The following GPR158 variants were observed in gnomAD, a reference collection of about 807,000 sequenced individuals.
GPR158 encodes the protein metabotropic glycine receptor.
Under a neutral mutation model 78.2 loss-of-function variants are expected in GPR158, and 30 were observed. The ratio of observed to expected loss-of-function variants is 0.38; its 90% confidence interval spans 0.29 to 0.52. The LOEUF is 0.52. Among genes scored for constraint, GPR158 ranks in the 20% least tolerant of loss-of-function variants. The probability of loss-of-function intolerance (pLI) is 0.83; values close to 1 mark genes in which losing one functional copy is unlikely to be tolerated. For synonymous variants in GPR158, 581 were observed against 591.1 expected (o/e 0.98, Z 0.25); for missense variants, 1,463 against 1,523.5 (o/e 0.96, Z 0.66).
chr10:25,580,346 G>C (rs7921299), intron 7 of GPR158, among the ~76,000 whole-genome samples: 44,874 of 151,816 alleles, frequency 0.3, 7,179 homozygotes, highest in Non-Finnish European at 0.36. Context: ...CTTTGTTCTT[G>C]TCTTTCCTGG....
chr10:25,524,225 G>A (rs950352662), intron 5 of GPR158, among the ~76,000 whole-genome samples: 1 of 152,202 alleles, frequency 6.6e-6, no homozygotes, highest in African/African-American at 2.4e-5. Context: ...TCCCCAGATT[G>A]ATCCACAGAT....
At chr10:25,259,869 G>A (rs1022678403) in intron 2 of GPR158, among the ~76,000 whole-genome samples, 1 of 151,576 alleles carries the variant, frequency 6.6e-6, no homozygotes, top group Non-Finnish European at 1.5e-5. Context: ...CTTAAAAATT[G>A]CTTTTTTTTG....
chr10:25,265,937 A>G (rs1854039504), intron 2 of GPR158, among the ~76,000 whole-genome samples: 1 of 152,170 alleles, frequency 6.6e-6, no homozygotes, highest in South Asian at 2.1e-4. Context: ...AAAACATTCC[A>G]ATGGCTTTAC....
Position 25,412,230 on chromosome 10 carries a change from G to A in GPR158, c.1112-20G>A. The A allele has an allele frequency of 6.3e-7, 1 of 1,575,446 alleles. No individual in the cohort carries two copies. Among genetic ancestry groups the A allele is most frequent in the Non-Finnish European group, 8.7e-7 (1 of 1,144,784 alleles). Reference sequence around the variant, plus strand: ...CCTAAGAGGTGCAAATGACACTGTGGTTTTATTTGGAACTTTCAGGAAGGG... The same window carrying A: ...CCTAAGAGGTGCAAATGACACTGTGATTTTATTTGGAACTTTCAGGAAGGG... On this transcript the variant is annotated intron_variant, in intron 3 of 10. Transcript: ENST00000376351.
At chr10:25,247,437 G>C (rs1311337564) in intron 2 of GPR158, among the ~76,000 whole-genome samples, 1 of 142,700 alleles carries the variant, frequency 7.0e-6, no homozygotes, top group African/African-American at 2.6e-5. Flanking sequence ...CTAGCATTAG[G>C]TATATCGCCC....
Position 25,500,705 on chromosome 10 carries a change from A to G in GPR158, c.1404+33986A>G, listed in dbSNP as rs984083453. Among the ~76,000 whole-genome samples, 8 of 152,344 alleles carry G rather than the reference A, an allele frequency of 5.3e-5. 1 individual carries two copies. Among genetic ancestry groups the G allele is most frequent in the African/African-American group, 7.2e-5 (3 of 41,588 alleles). On this transcript the variant is annotated intron_variant, in intron 5 of 10. Transcript: ENST00000376351. ...CTGGCTGGGCTTAACATTTAGGCACATGCATGCATTTAAATCTTGGAGAGG... is the reference window on the plus strand; with the variant it reads ...CTGGCTGGGCTTAACATTTAGGCACGTGCATGCATTTAAATCTTGGAGAGG...
At chr10:25,505,303 G>A (rs1489590540) in intron 5 of GPR158, among the ~76,000 whole-genome samples, 1 of 152,160 alleles carries the variant, frequency 6.6e-6, no homozygotes, top group East Asian at 1.9e-4. Context: ...TCTGAGCACA[G>A]AATTCTAAGA....
chr10:25,346,891 T>C (rs1421205288), intron 2 of GPR158, among the ~76,000 whole-genome samples: 1 of 151,844 alleles, frequency 6.6e-6, no homozygotes, highest in Non-Finnish European at 1.5e-5. Flanking sequence ...AAAAGTGGAG[T>C]CAGATGTATC....
intron 1 of GPR158, among the ~76,000 whole-genome samples, chr10:25,192,314 A>G (rs920252599): frequency 1.3e-5 from 2 of 152,164 alleles, no homozygotes; most frequent in African/African-American, 2.4e-5. Flanking sequence ...CCCCAGCCAA[A>G]TGGAACTGTG....
chr10:25,480,982 A>G (rs1254166264), intron 5 of GPR158, among the ~76,000 whole-genome samples: 1 of 152,214 alleles, frequency 6.6e-6, no homozygotes, highest in Non-Finnish European at 1.5e-5. Flanking sequence ...ACTCTCCAGA[A>G]GAACCTCAAT....
At chr10:25,216,080 C>T (rs1853208525) in intron 1 of GPR158, among the ~76,000 whole-genome samples, 1 of 152,170 alleles carries the variant, frequency 6.6e-6, no homozygotes, top group African/African-American at 2.4e-5. Context: ...CTTTCATTAA[C>T]CATCACTGAG....
intron 2 of GPR158, among the ~76,000 whole-genome samples, chr10:25,359,539 G>A (rs547094898): frequency 6.6e-6 from 1 of 152,162 alleles, no homozygotes; most frequent in Admixed American, 6.5e-5. Flanking sequence ...TCAGTTTGCT[G>A]AGAATGATGG....
At chr10:25,228,250 G>A (rs904642651) in intron 2 of GPR158, among the ~76,000 whole-genome samples, 2 of 151,934 alleles carry the variant, frequency 1.3e-5, no homozygotes, top group South Asian at 4.1e-4. Flanking sequence ...ACTTCAGCCT[G>A]GGCAATAGAG....
rs1043774260 is a variant in GPR158, at chr10:25,598,843, C to G, written c.3217C>G (p.Leu1073Val). The change falls in exon 11 of 11, where the codon CTT becomes GTT. Residue 1073 changes from leucine to valine, a missense_variant. Coordinates refer to ENST00000376351, the MANE Select transcript of GPR158 (RefSeq NM_020752.3). ...GCGCATAGATAAGGCTGAAGTATGC[C>G]TTTGGGAGAGCCAAGGCCAGTCCAT... The part of the protein sequence containing the change: ...QKRIDKAEVC[L>V]WESQGQSILE... 6.2e-7 allele frequency: 1 copy of G among 1,613,960 alleles called. No individual in the cohort carries two copies. The highest frequency in any genetic ancestry group is 1.3e-5 in the African/African-American group (1 of 74,876).
At chr10:25,411,907 C>A (rs1834590525) in intron 3 of GPR158, among the ~76,000 whole-genome samples, 1 of 128,986 alleles carries the variant, frequency 7.8e-6, no homozygotes, top group Non-Finnish European at 1.6e-5. Context: ...GCACTCCAGC[C>A]TGGGCGACAG....
At chr10:25,239,384 TGA>T (rs1315341528) in intron 2 of GPR158, among the ~76,000 whole-genome samples, 14 of 151,930 alleles carry the variant, frequency 9.2e-5, no homozygotes, top group African/African-American at 3.1e-4. Context: ...GCAGATCTCC[TGA>T]GAGATCTCCT....
intron 5 of GPR158, among the ~76,000 whole-genome samples, chr10:25,468,366 T>C (rs1371072973): frequency 1.3e-5 from 2 of 152,208 alleles, no homozygotes; most frequent in Admixed American, 6.5e-5. Flanking sequence ...TTTTTACCAT[T>C]TGAATGACCT....
intron 1 of GPR158, among the ~76,000 whole-genome samples, chr10:25,191,439 C>T (rs1045266164): frequency 6.6e-6 from 1 of 152,158 alleles, no homozygotes; most frequent in African/African-American, 2.4e-5. Flanking sequence ...ACCTGAAGAG[C>T]CTGATAATAT....
At chr10:25,451,146 A>G (rs1481762501) in intron 4 of GPR158, among the ~76,000 whole-genome samples, 2 of 152,178 alleles carry the variant, frequency 1.3e-5, no homozygotes, top group African/African-American at 2.4e-5. Flanking sequence ...GCAGATATGC[A>G]CACAAATCAT....
Sources: allele counts gnomAD v4.1 joint callset (sites outside exome capture counted in the v4.1 genomes callset), GRCh38; gene constraint gnomAD v4.1.1; transcripts MANE v1.5; gene names NCBI Gene and HGNC (gene_info 2026-07-23, HGNC 2026-07-21).